The following OSBPL8 variants were observed in gnomAD, a reference collection of about 807,000 sequenced individuals.
The protein encoded by OSBPL8 is oxysterol binding protein like 8.
OSBPL8 carries 59 observed loss-of-function variants against 125.5 expected under a neutral mutation model. The ratio of observed to expected loss-of-function variants is 0.47; its 90% confidence interval spans 0.38 to 0.58. OSBPL8 has a LOEUF of 0.58. Ranked by LOEUF, OSBPL8 falls within the 20% of genes least tolerant of loss-of-function variation. The probability of loss-of-function intolerance (pLI) is 0.00; values close to 1 mark genes in which losing one functional copy is unlikely to be tolerated. For synonymous variants in OSBPL8, 330 were observed against 338.9 expected, an observed-to-expected ratio of 0.97 and a Z score of 0.29; for missense variants, 758 against 1,047.8, an observed-to-expected ratio of 0.72 and a Z score of 3.82.
At chr12:76,415,234 CT>C (rs1038307800) in intron 4 of OSBPL8, among the ~76,000 whole-genome samples, 9 of 146,754 alleles carry the variant, frequency 6.1e-5, no homozygotes, top group South Asian at 2.2e-4. Flanking sequence ...TTCTGTTTTT[CT>C]TTTTTTTTTC....
At chr12:76,422,971 A>G (rs1035023681) in intron 4 of OSBPL8, 1 of 166,870 alleles carries the variant, frequency 6.0e-6, no homozygotes, top group African/African-American at 2.4e-5. Context: ...TTAGGAAAAC[A>G]AAACAAGATC....
At chr12:76,513,409 T>G (rs1428730463) in intron 1 of OSBPL8, among the ~76,000 whole-genome samples, 1 of 152,250 alleles carries the variant, frequency 6.6e-6, no homozygotes, top group Non-Finnish European at 1.5e-5. Flanking sequence ...TCAGTTGTTT[T>G]AAGGTGGAAA....
At chr12:76,495,749 A>C (rs1028779250) in intron 1 of OSBPL8, among the ~76,000 whole-genome samples, 1 of 151,434 alleles carries the variant, frequency 6.6e-6, no homozygotes, top group Non-Finnish European at 1.5e-5. Flanking sequence ...GACATCACAC[A>C]AGGATCTGTC....
chr12:76,534,107 T>C (rs1166488049), intron 1 of OSBPL8: 1 of 152,212 alleles, frequency 6.6e-6, no homozygotes, highest in African/African-American at 2.4e-5. Context: ...ATTAATGAGA[T>C]TTTTTAAATG....
intron 1 of OSBPL8, among the ~76,000 whole-genome samples, chr12:76,495,344 T>G (rs1054772334): frequency 6.6e-6 from 1 of 152,210 alleles, no homozygotes; most frequent in Non-Finnish European, 1.5e-5. Context: ...CGCAGCATCA[T>G]TTGACACATT....
In OSBPL8 at chr12:76,386,233, C is replaced by T. The variant is rs1386010557; in HGVS notation, c.1468G>A (p.Glu490Lys). 2.5e-6 allele frequency: 4 copies of T among 1,609,188 alleles called. No homozygotes were observed. The highest frequency in any genetic ancestry group is 2.2e-5 in the East Asian group (1 of 44,610). ...LKKPYNPILG[E>K]TFRCLWIHPR... ...TGAATCCATAAACAACGGAAAGTCTCGCCAAGTATAGGATTATAAGGTTTC... is the reference window on the plus strand; with the variant it reads ...TGAATCCATAAACAACGGAAAGTCTTGCCAAGTATAGGATTATAAGGTTTC... Residue 490 changes from glutamate (E) to lysine (K), a missense_variant, in exon 14 of 24, where the codon GAG becomes AAG. Coordinates refer to ENST00000261183, the MANE Select transcript of OSBPL8 (RefSeq NM_020841.5).
intron 5 of OSBPL8, among the ~76,000 whole-genome samples, chr12:76,407,795 T>C (rs1954334071): frequency 6.6e-6 from 1 of 152,164 alleles, no homozygotes; most frequent in Non-Finnish European, 1.5e-5. Context: ...TGTCAGGTAC[T>C]TTCTGCACCA....
intron 4 of OSBPL8, among the ~76,000 whole-genome samples, chr12:76,448,970 G>C (rs934334612): frequency 6.6e-6 from 1 of 152,098 alleles, no homozygotes; most frequent in Non-Finnish European, 1.5e-5. Context: ...CTGAGATCGC[G>C]CCACTGCACT....
chr12:76,394,614 C>T, intron 9 of OSBPL8, 31 bp downstream of exon 9: 1 of 1,555,358 alleles, frequency 6.4e-7, no homozygotes, highest in Non-Finnish European at 8.8e-7. Flanking sequence ...AAATGAAGAC[C>T]AAAATCCAAT....
chr12:76,454,761 C>G (rs1423318027), intron 3 of OSBPL8, among the ~76,000 whole-genome samples: 1 of 148,500 alleles, frequency 6.7e-6, no homozygotes, highest in Non-Finnish European at 1.5e-5. Flanking sequence ...CTACAAACAG[C>G]AAGTCCTAGA....
At chr12:76,403,200 A>C (rs992000623) in intron 5 of OSBPL8, among the ~76,000 whole-genome samples, 3 of 152,354 alleles carry the variant, frequency 2.0e-5, no homozygotes, top group African/African-American at 7.2e-5. Flanking sequence ...CAATAGGAAG[A>C]AATACAAACA....
chr12:76,421,402 G>C (rs1467433787), intron 4 of OSBPL8, among the ~76,000 whole-genome samples: 1 of 152,014 alleles, frequency 6.6e-6, no homozygotes, highest in East Asian at 1.9e-4. Context: ...ACTACTTAGG[G>C]AGAGTTCAGG....
At chr12:76,550,261 T>C (rs1345530982) in intron 1 of OSBPL8, among the ~76,000 whole-genome samples, 2 of 152,184 alleles carry the variant, frequency 1.3e-5, no homozygotes, top group African/African-American at 4.8e-5. Flanking sequence ...ATGGTCAGAA[T>C]TGATAAAATA....
At chr12:76,425,619 C>T (rs1870055570) in intron 4 of OSBPL8, among the ~76,000 whole-genome samples, 1 of 152,182 alleles carries the variant, frequency 6.6e-6, no homozygotes, top group Admixed American at 6.5e-5. Flanking sequence ...CTTGGGTGAG[C>T]TTTGCCCAAG....
At chr12:76,430,328 C>T (rs1870660466) in intron 4 of OSBPL8, among the ~76,000 whole-genome samples, 1 of 152,112 alleles carries the variant, frequency 6.6e-6, no homozygotes, top group Non-Finnish European at 1.5e-5. Flanking sequence ...GCAGATCCGA[C>T]AGAACCAGCT....
intron 12 of OSBPL8, among the ~76,000 whole-genome samples, chr12:76,387,317 T>C (rs1224270092): frequency 3.3e-5 from 5 of 152,274 alleles, no homozygotes; most frequent in South Asian, 4.1e-4. Flanking sequence ...AAATTACAAA[T>C]ATGATGCAGA....
chr12:76,418,760 G>C (rs1490758704), intron 4 of OSBPL8, among the ~76,000 whole-genome samples: 1 of 152,060 alleles, frequency 6.6e-6, no homozygotes, highest in Non-Finnish European at 1.5e-5. Flanking sequence ...TGAACCCCAG[G>C]AGGCGGAGGT....
chr12:76,451,921 C>A (rs1453383242), intron 3 of OSBPL8, among the ~76,000 whole-genome samples: 1 of 152,144 alleles, frequency 6.6e-6, no homozygotes, highest in Non-Finnish European at 1.5e-5. Flanking sequence ...GAGTTCGAGA[C>A]CATCCTGGCC....
intron 8 of OSBPL8, among the ~76,000 whole-genome samples, chr12:76,396,491 G>A (rs1173292985): frequency 6.6e-6 from 1 of 152,110 alleles, no homozygotes; most frequent in Non-Finnish European, 1.5e-5. Context: ...AGGCATGGTG[G>A]CTCACATCTG....
Sources: allele counts gnomAD v4.1 joint callset (sites outside exome capture counted in the v4.1 genomes callset), GRCh38; gene constraint gnomAD v4.1.1; transcripts MANE v1.5; gene names NCBI Gene and HGNC (gene_info 2026-07-23, HGNC 2026-07-21).